Variants in GRM1 observed in about 807,000 individuals in gnomAD.
GRM1 encodes glutamate metabotropic receptor 1, also known as metabotropic glutamate receptor 1.
GRM1 carries 33 observed loss-of-function variants against 90.9 expected under a neutral mutation model. The observed-to-expected ratio is 0.36, with a 90% CI of 0.28 to 0.49. The LOEUF is 0.49. GRM1 is among the 20% of genes least tolerant of loss of function. GRM1 has a pLI of 0.99. For synonymous variants in GRM1, 700 were observed against 613.2 expected, an observed-to-expected ratio of 1.14 and a Z score of -2.09; for missense variants, 1,190 against 1,534.3, an observed-to-expected ratio of 0.78 and a Z score of 3.75.
At chr6:146,222,450 G>T (rs1020853676) in intron 2 of GRM1, among the ~76,000 whole-genome samples, 1 of 151,986 alleles carries the variant, frequency 6.6e-6, no homozygotes, top group African/African-American at 2.4e-5. Flanking sequence ...CCCAAGATCT[G>T]CTGCTGGAGA....
Position 146,144,446 on chromosome 6 carries a change from A to G in GRM1, c.701-14902A>G, listed in dbSNP as rs565010845. On this transcript the variant is annotated intron_variant, in intron 1 of 7. Coordinates refer to ENST00000282753, the MANE Select transcript of GRM1 (RefSeq NM_001278064.2). ...AGCTACCACACTCAACCTCTTCACC[A>G]TGTGATACCCTGTGCTGCCTCAGGA... 2.0e-5 allele frequency among the ~76,000 whole-genome samples: 3 copies of G among 152,334 alleles called. No homozygotes were observed. The South Asian group carries it at 6.2e-4, about 32-fold the overall frequency.
intron 2 of GRM1, among the ~76,000 whole-genome samples, chr6:146,265,837 T>C (rs966613292): frequency 6.6e-6 from 1 of 152,222 alleles, no homozygotes; most frequent in Non-Finnish European, 1.5e-5. Flanking sequence ...GCTTTACTTA[T>C]GGGTTGTCTA....
intron 3 of GRM1, among the ~76,000 whole-genome samples, chr6:146,347,754 C>T (rs1368705861): frequency 1.3e-5 from 2 of 152,130 alleles, no homozygotes; most frequent in African/African-American, 4.8e-5. Flanking sequence ...AAGTTTTTGA[C>T]CTATAAAGAT....
intron 3 of GRM1, among the ~76,000 whole-genome samples, chr6:146,327,256 A>G (rs1283212474): frequency 6.6e-6 from 1 of 152,166 alleles, no homozygotes; most frequent in Non-Finnish European, 1.5e-5. Context: ...ACTTTTTAAA[A>G]TATGGAAAGT....
At chr6:146,431,724 G>A (rs1778415013) in intron 7 of GRM1, among the ~76,000 whole-genome samples, 3 of 152,074 alleles carry the variant, frequency 2.0e-5, no homozygotes, top group African/African-American at 7.3e-5. Flanking sequence ...GATGGGGAAG[G>A]AAACATTTTT....
intron 1 of GRM1, among the ~76,000 whole-genome samples, chr6:146,074,534 C>T (rs562366563): frequency 1.3e-5 from 2 of 152,190 alleles, no homozygotes; most frequent in South Asian, 2.1e-4. Context: ...ATTTGTCAGT[C>T]GTGGGATATT....
At chr6:146,308,895 A>G (rs1783680081) in intron 3 of GRM1, among the ~76,000 whole-genome samples, 1 of 152,112 alleles carries the variant, frequency 6.6e-6, no homozygotes, top group Non-Finnish European at 1.5e-5. Context: ...TTTATTCTTA[A>G]TGGCTGCTTA....
At chr6:146,098,670 G>C (rs1320398072) in intron 1 of GRM1, among the ~76,000 whole-genome samples, 1 of 151,678 alleles carries the variant, frequency 6.6e-6, no homozygotes, top group South Asian at 2.1e-4. Context: ...CTGAATTGTA[G>C]TTCTCATAAT....
At chr6:146,367,303 C>T (rs1775727190) in intron 5 of GRM1, among the ~76,000 whole-genome samples, 1 of 152,034 alleles carries the variant, frequency 6.6e-6, no homozygotes, top group African/African-American at 2.4e-5. Context: ...TAATTAACTA[C>T]CTGTGTAGTG....
At chr6:146,287,024 A>T (rs1782791217) in intron 2 of GRM1, among the ~76,000 whole-genome samples, 1 of 152,226 alleles carries the variant, frequency 6.6e-6, no homozygotes. Context: ...GTGGACAGGC[A>T]ATTCAATCAT....
chr6:146,286,899 A>C (rs1782786644), intron 2 of GRM1, among the ~76,000 whole-genome samples: 1 of 152,234 alleles, frequency 6.6e-6, no homozygotes, highest in African/African-American at 2.4e-5. Flanking sequence ...ATAATGTTAA[A>C]TGGCAGGCAT....
chr6:146,138,611 G>A (rs1425031566), intron 1 of GRM1, among the ~76,000 whole-genome samples: 2 of 151,994 alleles, frequency 1.3e-5, no homozygotes, highest in Non-Finnish European at 2.9e-5. Flanking sequence ...TTGGTGGGTT[G>A]TATGTGTCTA....
At chr6:146,053,727 C>A (rs758011740) in intron 1 of GRM1, among the ~76,000 whole-genome samples, 2 of 151,986 alleles carry the variant, frequency 1.3e-5, no homozygotes, top group African/African-American at 2.4e-5. Context: ...GGGGATATTG[C>A]AAAACATGCT....
chr6:146,388,768 C>T (rs1007006516), intron 6 of GRM1, among the ~76,000 whole-genome samples: 1 of 152,082 alleles, frequency 6.6e-6, no homozygotes, highest in Non-Finnish European at 1.5e-5. Context: ...TACTCTCTGT[C>T]CCACCCATTG....
intron 5 of GRM1, among the ~76,000 whole-genome samples, chr6:146,360,804 G>A (rs1176557224): frequency 6.6e-6 from 1 of 152,188 alleles, no homozygotes; most frequent in East Asian, 1.9e-4. Context: ...ATTAATGGAA[G>A]ATTCAATCCT....
chr6:146,286,621 A>C (rs188159021), intron 2 of GRM1, among the ~76,000 whole-genome samples: 2 of 152,350 alleles, frequency 1.3e-5, no homozygotes, highest in Admixed American at 1.3e-4. Flanking sequence ...GTTAAATTAC[A>C]AATGTGGCAA....
intron 3 of GRM1, among the ~76,000 whole-genome samples, chr6:146,317,868 A>G (rs1182494206): frequency 6.6e-6 from 1 of 152,230 alleles, no homozygotes. Context: ...GAGGAAATAT[A>G]ACCCATCTCA....
At chr6:146,028,320 C>T (rs117430296), upstream of GRM1, among the ~76,000 whole-genome samples, 1,284 of 150,244 alleles carry the variant, frequency 8.5e-3, 14 homozygotes, top group Non-Finnish European at 0.011. Context: ...AAGAGCAAAG[C>T]GGGTCAGGGA....
At chr6:146,419,966 CA>C (rs769049795) in intron 7 of GRM1, among the ~76,000 whole-genome samples, 79 of 152,076 alleles carry the variant, frequency 5.2e-4, no homozygotes, top group Non-Finnish European at 1.0e-3. Context: ...ATGGAAGGAC[CA>C]GAGGAAACAG....
Sources: allele counts gnomAD v4.1 joint callset (sites outside exome capture counted in the v4.1 genomes callset), GRCh38; gene constraint gnomAD v4.1.1; transcripts MANE v1.5; gene names NCBI Gene and HGNC (gene_info 2026-07-23, HGNC 2026-07-21).